HYDIN: variants seen among roughly 807,000 people sequenced by gnomAD.
HYDIN encodes the protein HYDIN axonemal central pair apparatus protein, also known as axonemal central pair apparatus protein HYDIN.
A neutral mutation model predicts 403.9 loss-of-function variants in HYDIN; 132 were observed. The ratio of observed to expected loss-of-function variants is 0.33; its 90% CI spans 0.28 to 0.38. HYDIN has a LOEUF of 0.38. HYDIN is among the 10% of genes least tolerant of loss of function. The pLI is 1.00. For missense variants in HYDIN, 2,827 were observed against 5,009.5 expected (o/e 0.56, Z 13.15); for synonymous variants, 1,202 against 1,891.7 (o/e 0.64, Z 9.46).
At chr16:71,097,971 C>T (rs968110450) in intron 10 of HYDIN, among the ~76,000 whole-genome samples, 10 of 152,034 alleles carry the variant, frequency 6.6e-5, no homozygotes, top group East Asian at 1.9e-4. Flanking sequence ...GCTTTTTCCC[C>T]GTTAAATGTC....
chr16:71,036,765 T>C (rs1357214149), intron 18 of HYDIN, among the ~76,000 whole-genome samples: 3 of 151,910 alleles, frequency 2.0e-5, no homozygotes, highest in Non-Finnish European at 4.4e-5. Context: ...ATGCCAGATG[T>C]TAAGGCACTG....
At chr16:71,156,771 C>T (rs2085785842) in intron 6 of HYDIN, among the ~76,000 whole-genome samples, 1 of 151,668 alleles carries the variant, frequency 6.6e-6, no homozygotes, top group Non-Finnish European at 1.5e-5. Context: ...TAATTCCTTA[C>T]TTGAGTTTTT....
intron 18 of HYDIN, among the ~76,000 whole-genome samples, chr16:71,043,331 C>T (rs2081346649): frequency 6.6e-6 from 1 of 150,732 alleles, no homozygotes; most frequent in Non-Finnish European, 1.5e-5. Flanking sequence ...AAATTCCTTT[C>T]CTCTGTTCTG....
chr16:70,835,066 C>T lies in HYDIN; in HGVS notation c.13401+610G>A, dbSNP rs569365653. ...GAGATGGAGTGCCGTGGTGCGATCT[C>T]GACTCACTGCAACCTCCGCCTCCTG... On this transcript the variant is annotated intron_variant, in intron 78 of 85. Coordinates refer to ENST00000393567, the MANE Select transcript of HYDIN (RefSeq NM_001270974.2). Among the ~76,000 whole-genome samples the T allele has an allele frequency of 3.4e-5, 5 of 146,024 alleles. No homozygotes were observed. The South Asian group carries it at 6.5e-4, about 19-fold the overall frequency.
intron 1 of HYDIN, among the ~76,000 whole-genome samples, chr16:71,213,376 A>G (rs1598045859): frequency 6.6e-6 from 1 of 152,322 alleles, no homozygotes; most frequent in East Asian, 1.9e-4. Flanking sequence ...AACGTAAACA[A>G]TATCAACATT....
chr16:71,034,213 T>C (rs1271193265), intron 18 of HYDIN, among the ~76,000 whole-genome samples: 1 of 152,200 alleles, frequency 6.6e-6, no homozygotes, highest in Non-Finnish European at 1.5e-5. Context: ...CAGTCTAAGA[T>C]TACCCTTTCA....
chr16:71,157,161 G>A (rs1362997927), intron 6 of HYDIN, among the ~76,000 whole-genome samples: 4 of 151,632 alleles, frequency 2.6e-5, no homozygotes, highest in Non-Finnish European at 4.4e-5. Context: ...GCTCACATTC[G>A]AATAAGGGTA....
chr16:71,133,035 C>A (rs2084775711), intron 8 of HYDIN: 1 of 299,680 alleles, frequency 3.3e-6, no homozygotes, highest in South Asian at 2.9e-5. Context: ...ACCCATTTTA[C>A]AAATGGTCTA....
At chr16:70,888,434 A>C (rs909580424) in intron 58 of HYDIN, among the ~76,000 whole-genome samples, 1 of 152,120 alleles carries the variant, frequency 6.6e-6, no homozygotes, top group Admixed American at 6.5e-5. Flanking sequence ...TTCCCCACTC[A>C]GACCCATCAT....
chr16:70,805,414 GA>G lies in HYDIN; in HGVS notation c.*2165del, dbSNP rs1338893331. On this transcript the variant is annotated 3_prime_UTR_variant, in exon 86 of 86. Coordinates refer to ENST00000393567, the MANE Select transcript of HYDIN (RefSeq NM_001270974.2). Reference sequence around the variant, plus strand: ...TCCATAGGCCACTCCGAATAACCAGGAGGCTCGAGGCTTTAGAGTCGTGGTT... The same window carrying G: ...TCCATAGGCCACTCCGAATAACCAGGGGCTCGAGGCTTTAGAGTCGTGGTT... Among the ~76,000 whole-genome samples, 1 of 152,172 alleles carries G rather than the reference GA, an allele frequency of 6.6e-6. No individual in the cohort carries two copies. The highest frequency in any genetic ancestry group is 1.5e-5 in the Non-Finnish European group (1 of 68,032).
intron 13 of HYDIN, among the ~76,000 whole-genome samples, chr16:71,077,029 A>AT (rs1209361053): frequency 2.9e-5 from 3 of 102,176 alleles, no homozygotes; most frequent in East Asian, 2.7e-4. Flanking sequence ...TAGATCTGAG[A>AT]TTTTTTTCTG....
At chr16:71,181,618 C>A (rs2086908336) in intron 3 of HYDIN, among the ~76,000 whole-genome samples, 1 of 152,070 alleles carries the variant, frequency 6.6e-6, no homozygotes, top group Non-Finnish European at 1.5e-5. Context: ...TTAACTACAT[C>A]ATTTCACCAT....
chr16:71,208,615 G>A (rs2088419836), intron 1 of HYDIN, among the ~76,000 whole-genome samples: 1 of 151,798 alleles, frequency 6.6e-6, no homozygotes, highest in African/African-American at 2.4e-5. Context: ...CAAATCCAGA[G>A]GTTTATTTTT....
chr16:71,188,016 G>A (rs891885611), intron 1 of HYDIN, among the ~76,000 whole-genome samples: 7 of 152,038 alleles, frequency 4.6e-5, no homozygotes, highest in African/African-American at 1.7e-4. Flanking sequence ...TGGTTCCAGT[G>A]GAAAGTTCAA....
At chr16:71,225,463 G>C (rs2040992386) in intron 1 of HYDIN, among the ~76,000 whole-genome samples, 1 of 152,184 alleles carries the variant, frequency 6.6e-6, no homozygotes, top group East Asian at 1.9e-4. Flanking sequence ...CACTCTGTAA[G>C]TTTCCCCAAT....
intron 23 of HYDIN, among the ~76,000 whole-genome samples, chr16:70,996,202 T>G (rs1170284433): frequency 6.6e-6 from 1 of 152,204 alleles, no homozygotes; most frequent in Admixed American, 6.5e-5. Flanking sequence ...GGCCCTATCT[T>G]GCTTCCCTTA....
chr16:71,184,988 A>G lies in HYDIN; in HGVS notation c.138T>C (p.Leu46=). 10 of 1,595,706 alleles carry G rather than the reference A, an allele frequency of 6.3e-6. No homozygotes were observed. The highest frequency in any genetic ancestry group is 1.1e-5 in the South Asian group (1 of 88,448). The change falls in exon 3 of 86, where the codon CTT becomes CTC. Residue 46 remains leucine, a splice_region_variant and synonymous_variant. Coordinates refer to ENST00000393567, the MANE Select transcript of HYDIN (RefSeq NM_001270974.2). ...TTTCCTTCAGGAACTCTGAGGGTGT[A>G]AGCTAGAATGTAAAACAATAAGAAC... ...VVTEEEVNRM[L]TPSEFLKEMS...
intron 6 of HYDIN, among the ~76,000 whole-genome samples, chr16:71,157,479 A>G (rs2085819604): frequency 6.7e-6 from 1 of 149,838 alleles, no homozygotes; most frequent in African/African-American, 2.4e-5. Flanking sequence ...TTGTCAGGGG[A>G]TCTCCTTAGA....
At chr16:71,030,092 C>T (rs1259485086) in intron 19 of HYDIN, among the ~76,000 whole-genome samples, 2 of 152,104 alleles carry the variant, frequency 1.3e-5, no homozygotes, top group Non-Finnish European at 2.9e-5. Flanking sequence ...CTCTGTTGCC[C>T]ATGGTGGAGT....
Sources: gnomAD v4.1 joint callset for allele counts (sites outside exome capture counted in the v4.1 genomes callset) on GRCh38, gnomAD v4.1.1 for gene constraint, MANE v1.5 for transcripts, NCBI Gene and HGNC (gene_info 2026-07-23, HGNC 2026-07-21) for gene names.